Variants in CCSER1 observed in about 807,000 individuals in gnomAD.
CCSER1 encodes the protein serine-rich coiled-coil domain-containing protein 1.
A neutral mutation model predicts 82.0 loss-of-function variants in CCSER1; 41 were observed. The ratio of observed to expected loss-of-function variants is 0.50; its 90% CI spans 0.39 to 0.65. The LOEUF (loss-of-function observed/expected upper bound fraction) is 0.65. Among genes scored for constraint, CCSER1 ranks in the 30% least tolerant of loss-of-function variants. The pLI, the probability that CCSER1 is intolerant of heterozygous loss-of-function variation, is 0.00. For synonymous variants in CCSER1, 414 were observed against 383.9 expected, an observed-to-expected ratio of 1.08 and a Z score of -0.92; for missense variants, 1,119 against 1,064.2, an observed-to-expected ratio of 1.05 and a Z score of -0.72.
chr4:90,908,731 C>T (rs1258018996), intron 8 of CCSER1, among the ~76,000 whole-genome samples: 5 of 152,068 alleles, frequency 3.3e-5, no homozygotes, highest in African/African-American at 4.8e-5. Context: ...GCTCATTTGT[C>T]ACCTGTGCCT....
At chr4:90,389,852 C>T (rs1750686037) in intron 3 of CCSER1, among the ~76,000 whole-genome samples, 2 of 152,008 alleles carry the variant, frequency 1.3e-5, no homozygotes, top group South Asian at 4.1e-4. Context: ...TATAGAGATG[C>T]AGTCTTGCTA....
At chr4:91,559,236 A>G (rs574671385) in intron 10 of CCSER1, among the ~76,000 whole-genome samples, 147 of 151,694 alleles carry the variant, frequency 9.7e-4, no homozygotes, top group African/African-American at 3.1e-3. Context: ...TTCCAAGTTA[A>G]ATTTATTTCT....
chr4:91,552,370 G>A (rs1762197950), intron 10 of CCSER1, among the ~76,000 whole-genome samples: 1 of 151,718 alleles, frequency 6.6e-6, no homozygotes, highest in Non-Finnish European at 1.5e-5. Flanking sequence ...TGAGGATACA[G>A]AAAAGAATGA....
At chr4:91,347,392 G>C (rs1041882760) in intron 10 of CCSER1, among the ~76,000 whole-genome samples, 1 of 151,972 alleles carries the variant, frequency 6.6e-6, no homozygotes, top group Non-Finnish European at 1.5e-5. Context: ...AAGTTTGGTA[G>C]TATCAGTCTT....
intron 10 of CCSER1, among the ~76,000 whole-genome samples, chr4:91,501,733 TAAC>T (rs927514383): frequency 5.3e-5 from 8 of 152,144 alleles, no homozygotes; most frequent in Non-Finnish European, 8.8e-5. Flanking sequence ...TTGTGTTAGA[TAAC>T]AACATCAACA....
intron 4 of CCSER1, among the ~76,000 whole-genome samples, chr4:90,452,873 G>A (rs1282250528): frequency 6.6e-6 from 1 of 152,104 alleles, no homozygotes; most frequent in African/African-American, 2.4e-5. Flanking sequence ...CCTAGTGCCT[G>A]GGTCCCCTCT....
intron 5 of CCSER1, among the ~76,000 whole-genome samples, chr4:90,519,096 G>A (rs1157014640): frequency 6.6e-6 from 1 of 151,670 alleles, no homozygotes; most frequent in East Asian, 1.9e-4. Context: ...TGTAAATTTA[G>A]CATTAATTTT....
intron 9 of CCSER1, among the ~76,000 whole-genome samples, chr4:90,998,431 CA>C (rs200065540): frequency 6.6e-6 from 1 of 151,316 alleles, no homozygotes; most frequent in Non-Finnish European, 1.5e-5. Context: ...CCCCTCTCAA[CA>C]AAAAAAAATT....
chr4:90,659,772 C>G (rs1026027116), intron 6 of CCSER1, among the ~76,000 whole-genome samples: 3 of 151,886 alleles, frequency 2.0e-5, no homozygotes, highest in Admixed American at 6.6e-5. Flanking sequence ...ATAATATTAA[C>G]TATTTAGTTG....
At chr4:90,831,549 A>T (rs1388214664) in intron 8 of CCSER1, among the ~76,000 whole-genome samples, 1 of 152,190 alleles carries the variant, frequency 6.6e-6, no homozygotes, top group Non-Finnish European at 1.5e-5. Context: ...AACTTGAGTT[A>T]TCTACAATAT....
intron 2 of CCSER1, among the ~76,000 whole-genome samples, chr4:90,311,140 T>G (rs1005686594): frequency 1.3e-5 from 2 of 152,086 alleles, no homozygotes; most frequent in African/African-American, 2.4e-5. Flanking sequence ...TAACTAAAAT[T>G]TATAATAAGT....
chr4:90,883,418 G>T (rs1721639139), intron 8 of CCSER1, among the ~76,000 whole-genome samples: 1 of 151,986 alleles, frequency 6.6e-6, no homozygotes. Context: ...ACTACAGTGT[G>T]CCAGGAATAG....
chr4:90,561,857 A>G (rs1778793755), intron 5 of CCSER1, among the ~76,000 whole-genome samples: 1 of 152,150 alleles, frequency 6.6e-6, no homozygotes, highest in African/African-American at 2.4e-5. Flanking sequence ...GATATAACTA[A>G]TAATAATCAC....
intron 3 of CCSER1, among the ~76,000 whole-genome samples, chr4:90,383,443 A>C (rs531524077): frequency 1.3e-5 from 2 of 152,206 alleles, no homozygotes; most frequent in Admixed American, 6.5e-5. Flanking sequence ...AAATGGTAGC[A>C]TAACTGTTTG....
At chr4:90,633,950 T>C (rs1724940977) in intron 6 of CCSER1, among the ~76,000 whole-genome samples, 1 of 151,834 alleles carries the variant, frequency 6.6e-6, no homozygotes, top group South Asian at 2.1e-4. Flanking sequence ...GTTGGGCCTT[T>C]AGAAATTCTA....
chr4:91,538,698 C>CATATATTATGTGTATATATATATAT, intron 10 of CCSER1, among the ~76,000 whole-genome samples: 16 of 138,322 alleles, frequency 1.2e-4, no homozygotes, highest in Middle Eastern at 3.7e-3. Context: ...TATATATACA[C>CATATATTATGTGTATATATATATAT]ATATATATAT....
rs1365094906 is a variant in CCSER1, at chr4:90,468,456, G to A, written c.1724+102G>A. The A allele has an allele frequency of 6.6e-6, 7 of 1,053,676 alleles. No homozygotes were observed. In the East Asian group the frequency reaches 1.7e-4, roughly 25 times the overall value. 65.3% of individuals were successfully genotyped at this position (1,053,676 alleles called of 1,614,324 possible). On this transcript the variant is annotated intron_variant, in intron 5 of 10. Transcript: ENST00000509176. ...ATGTGTTAATATTAGTATAAAGAAAGAAGAAATAAATTTTATGGGTTAAAA... is the reference window on the plus strand; with the variant it reads ...ATGTGTTAATATTAGTATAAAGAAAAAAGAAATAAATTTTATGGGTTAAAA...
intron 10 of CCSER1, among the ~76,000 whole-genome samples, chr4:91,488,738 T>C (rs10009559): frequency 0.76 from 115,254 of 152,082 alleles, 44,140 homozygotes; most frequent in East Asian, 0.93. Context: ...GGCTGCAAAA[T>C]CATGAGTCAA....
intron 5 of CCSER1, among the ~76,000 whole-genome samples, chr4:90,548,337 C>T (rs1360555667): frequency 6.6e-6 from 1 of 152,148 alleles, no homozygotes; most frequent in Non-Finnish European, 1.5e-5. Flanking sequence ...CTGTGCACCA[C>T]TCATCCTTCA....
Sources: gnomAD v4.1 joint callset for allele counts (sites outside exome capture counted in the v4.1 genomes callset) on GRCh38, gnomAD v4.1.1 for gene constraint, MANE v1.5 for transcripts, NCBI Gene and HGNC (gene_info 2026-07-23, HGNC 2026-07-21) for gene names.